Variants in SLC13A1 observed in about 807,000 individuals in gnomAD.
The protein encoded by SLC13A1 is solute carrier family 13 member 1.
SLC13A1 carries 65 observed loss-of-function variants against 70.0 expected under a neutral mutation model. The observed-to-expected ratio is 0.93, with a 90% CI of 0.76 to 1.14. SLC13A1 has a LOEUF of 1.14. Ranked by LOEUF, SLC13A1 falls within the 50% of genes most tolerant of loss-of-function variation. The probability of loss-of-function intolerance (pLI) is 0.00; values close to 1 mark genes in which losing one functional copy is unlikely to be tolerated. For synonymous variants in SLC13A1, 275 were observed against 250.5 expected (o/e 1.10, Z -0.92); for missense variants, 726 against 717.8 (o/e 1.01, Z -0.13).
intron 7 of SLC13A1, among the ~76,000 whole-genome samples, chr7:123,144,864 A>C (rs1794296585): frequency 1.3e-5 from 2 of 152,200 alleles, no homozygotes; most frequent in Admixed American, 6.5e-5. Context: ...ACATAGCTTC[A>C]AAAGAATGAA....
intron 3 of SLC13A1, 80 bp downstream of exon 3, chr7:123,171,688 A>T: frequency 7.2e-7 from 1 of 1,382,840 alleles, no homozygotes; most frequent in Non-Finnish European, 1.0e-6. Context: ...CCTGGGCGTG[A>T]ATTACTTATT....
intron 1 of SLC13A1, among the ~76,000 whole-genome samples, chr7:123,181,655 C>A (rs1417411248): frequency 6.6e-6 from 1 of 152,062 alleles, no homozygotes; most frequent in Non-Finnish European, 1.5e-5. Flanking sequence ...CATGGAAGAG[C>A]CTGAATGCTA....
intron 8 of SLC13A1, among the ~76,000 whole-genome samples, chr7:123,130,765 A>C (rs1301298960): frequency 6.6e-6 from 1 of 152,130 alleles, no homozygotes; most frequent in South Asian, 2.1e-4. Flanking sequence ...TTTTTCTTTA[A>C]GTTTCTTTAC....
At chr7:123,121,886 G>T (rs74901878) in intron 12 of SLC13A1, among the ~76,000 whole-genome samples, 4,420 of 152,074 alleles carry the variant, frequency 0.029, 157 homozygotes, top group East Asian at 0.15. Context: ...GGGCATATTT[G>T]TCCACAGCCA....
rs1554554158 is a variant in SLC13A1, at chr7:123,180,999, T to C, written c.202A>G (p.Met68Val). Residue 68 changes from methionine to valine, a missense_variant, in exon 2 of 15, where the codon ATG becomes GTG. By Grantham distance (21) the Met-to-Val change is conservative (BLOSUM62 1). Coordinates refer to ENST00000194130, the MANE Select transcript of SLC13A1 (RefSeq NM_022444.4). ...TALLPSLMLP[M>V]FGIMPSKKVA... ...TTCTTAGAAGGCATGATCCCAAACA[T>C]GGGTAACATTAAACTAGGTAGCAAA... 1.2e-6 allele frequency: 2 copies of C among 1,612,440 alleles called. No homozygotes were observed. Among genetic ancestry groups the C allele is most frequent in the Non-Finnish European group, 1.7e-6 (2 of 1,178,944 alleles).
intron 1 of SLC13A1, among the ~76,000 whole-genome samples, chr7:123,196,621 A>C (rs1419294943): frequency 6.6e-6 from 1 of 152,066 alleles, no homozygotes; most frequent in Non-Finnish European, 1.5e-5. Flanking sequence ...ACACCCAGCA[A>C]ATGACATCCT....
intron 7 of SLC13A1, among the ~76,000 whole-genome samples, chr7:123,141,550 C>T (rs1421996000): frequency 6.6e-6 from 1 of 151,604 alleles, no homozygotes; most frequent in Non-Finnish European, 1.5e-5. Flanking sequence ...CTCTTTCTCT[C>T]TCTCTCTCCC....
At chr7:123,123,330 G>T in intron 11 of SLC13A1, 95 bp from the exon 12 acceptor site, 1 of 768,214 alleles carries the variant, frequency 1.3e-6, no homozygotes, top group Non-Finnish European at 2.3e-6. Context: ...CAGGAAGTTT[G>T]TAATATTCCT....
rs528052560 is a variant in SLC13A1 at position 123,125,500 on chromosome 7, G to A, written c.1240+69C>T. On this transcript the variant is annotated intron_variant, in intron 11 of 14. Transcript: ENST00000194130. ...TTTCTTTCTGCTCTAGGTGCCAAGC[G>A]AAACCAATGGAATTTTGTAATTTTT... 2.6e-5 allele frequency: 30 copies of A among 1,168,950 alleles called. No homozygotes were observed. The East Asian group carries it at 4.7e-4, about 18-fold the overall frequency. 72.4% of individuals were successfully genotyped at this position (1,168,950 alleles called of 1,614,324 possible). A position where few individuals can be genotyped will look rare whatever the true frequency, so the allele number is the denominator to read the frequency against.
At chr7:123,137,186 A>G (rs1793979951) in intron 7 of SLC13A1, among the ~76,000 whole-genome samples, 1 of 142,760 alleles carries the variant, frequency 7.0e-6, no homozygotes, top group African/African-American at 2.4e-5. Context: ...GAAGGCAACA[A>G]GAGTGGAAAC....
At chr7:123,127,866 T>TTTTTTTTTTG (rs1793613427) in intron 10 of SLC13A1, among the ~76,000 whole-genome samples, 1 of 125,052 alleles carries the variant, frequency 8.0e-6, no homozygotes, top group African/African-American at 3.1e-5. Context: ...TTTTTTTTTT[T>TTTTTTTTTTG]GCTGGGGGAT....
intron 7 of SLC13A1, among the ~76,000 whole-genome samples, chr7:123,138,880 G>A (rs1478267979): frequency 1.3e-5 from 2 of 151,994 alleles, no homozygotes; most frequent in African/African-American, 4.8e-5. Context: ...TATTCATGTT[G>A]TTGATTGTTT....
chr7:123,173,383 T>C (rs1030481893), intron 2 of SLC13A1, among the ~76,000 whole-genome samples: 5 of 152,202 alleles, frequency 3.3e-5, no homozygotes, highest in African/African-American at 1.2e-4. Flanking sequence ...TCTCTTTACA[T>C]TTTGTAGTGA....
At chr7:123,181,281 T>C (rs959048113) in intron 1 of SLC13A1, 180 bp from the exon 2 acceptor site, 29 of 512,498 alleles carry the variant, frequency 5.7e-5, no homozygotes, top group Non-Finnish European at 9.3e-5. Flanking sequence ...GAAGCAAAAT[T>C]TAATAAACAT....
In SLC13A1 at chr7:123,117,528, T is replaced by G. The variant is rs1793221440; in HGVS notation, c.1593A>C (p.Val531=). The G allele has an allele frequency of 6.2e-7, 1 of 1,612,902 alleles. No individual in the cohort carries two copies. Among genetic ancestry groups the G allele is most frequent in the African/African-American group, 1.3e-5 (1 of 74,874 alleles). ...LCTSFAFLLP[V]ANPPNAIVFS... is the part of the protein sequence containing the mutation. ...AGACAATAGCATTGGGTGGATTTGCTACTGGTAGGAGGAATGCAAATGAAG... is the reference window on the plus strand; with the variant it reads ...AGACAATAGCATTGGGTGGATTTGCGACTGGTAGGAGGAATGCAAATGAAG... Residue 531 remains valine, a synonymous_variant, in exon 14 of 15, where the codon GTA becomes GTC. Transcript: ENST00000194130.
chr7:123,195,209 C>T (rs924725018), intron 1 of SLC13A1, among the ~76,000 whole-genome samples: 1 of 152,066 alleles, frequency 6.6e-6, no homozygotes, highest in Non-Finnish European at 1.5e-5. Context: ...TACCACATTG[C>T]TATTAGCATT....
chr7:123,163,877 T>C (rs1794990391), intron 6 of SLC13A1, among the ~76,000 whole-genome samples: 1 of 151,968 alleles, frequency 6.6e-6, no homozygotes, highest in Non-Finnish European at 1.5e-5. Flanking sequence ...GTAATTGTAA[T>C]CATTTGATAA....
intron 10 of SLC13A1, among the ~76,000 whole-genome samples, chr7:123,128,116 CT>C (rs1297445231): frequency 6.6e-6 from 1 of 151,922 alleles, no homozygotes; most frequent in Non-Finnish European, 1.5e-5. Context: ...CTAGCACCAG[CT>C]TTTAAAATCA....
intron 1 of SLC13A1, among the ~76,000 whole-genome samples, chr7:123,192,758 A>G (rs1358193578): frequency 6.6e-6 from 1 of 152,126 alleles, no homozygotes; most frequent in Non-Finnish European, 1.5e-5. Context: ...GGTTCTTGGT[A>G]TTCCTACCCC....
Sources: gnomAD v4.1 joint callset for allele counts (sites outside exome capture counted in the v4.1 genomes callset) on GRCh38, gnomAD v4.1.1 for gene constraint, MANE v1.5 for transcripts, NCBI Gene and HGNC (gene_info 2026-07-23, HGNC 2026-07-21) for gene names.